CASP10: variants seen among roughly 807,000 people sequenced by gnomAD.
The protein encoded by CASP10 is caspase-10.
A neutral mutation model predicts 48.5 loss-of-function variants in CASP10; 41 were observed. That is an observed-to-expected ratio of 0.85 (90% CI 0.66 to 1.10). The LOEUF (loss-of-function observed/expected upper bound fraction) is 1.10, where lower values mean the gene tolerates loss of function less well. Ranked by LOEUF, CASP10 falls within the 50% of genes least tolerant of loss-of-function variation. The probability of loss-of-function intolerance (pLI) is 0.00; values close to 1 mark genes in which losing one functional copy is unlikely to be tolerated. For missense variants in CASP10, 614 were observed against 614.5 expected (o/e 1.00, Z 0.01); for synonymous variants, 232 against 238.4 (o/e 0.97, Z 0.25).
In CASP10 at chr2:201,209,520, AT is replaced by A; in HGVS notation, c.1374del (p.Tyr458Ter). ...CGGCATGTGGAGGAAGGCAGCTGGT[AT>A]ATTCAGTCTCTGTGTAATCATCTGA... Reference protein sequence around the residue: ...SFRHVEEGSWYIQSLCNHLKK... With the variant: ...SFRHVEEGSWXIQSLCNHLKK... On this transcript the variant is annotated frameshift_variant, in exon 9 of 10. Transcript: ENST00000286186. LOFTEE classifies it low-confidence loss of function (END_TRUNC). 6.2e-7 allele frequency: 1 copy of A among 1,613,366 alleles called. No homozygotes were observed. The highest frequency in any genetic ancestry group is 1.1e-5 in the South Asian group (1 of 90,954).
intron 6 of CASP10, 103 bp downstream of exon 6, chr2:201,203,869 TATAA>T: frequency 3.3e-6 from 3 of 921,554 alleles, no homozygotes; most frequent in Non-Finnish European, 5.4e-6. Context: ...AGAGAAGCTT[TATAA>T]ATAATGAATA....
rs1945680839 is a variant in CASP10 at position 201,219,985 on chromosome 2, G to C, written c.*2244G>C. On this transcript the variant is annotated 3_prime_UTR_variant, in exon 10 of 10. Coordinates refer to ENST00000286186, the MANE Select transcript of CASP10 (RefSeq NM_032977.4). ...GATATGTGAATGCTCATAAAAAAAT[G>C]TCAAGGAATGAAGAACAACAACTCT... The C allele has an allele frequency of 1.0e-6, 1 of 985,288 alleles. No individual in the cohort carries two copies. The highest frequency in any genetic ancestry group is 6.2e-5 in the Admixed American group (1 of 16,256). The allele number at this position is 985,288 out of a possible 1,614,324, so 61.0% of individuals were successfully genotyped here.
rs1465277007 is a variant in CASP10, at chr2:201,217,739, T to C, written c.1567T>C (p.Ter523GlnextTer8). The change falls in exon 10 of 10, where the codon TAG becomes CAG. Residue 523 changes from the stop codon to glutamine (Q), a stop_lost. Coordinates refer to ENST00000286186, the MANE Select transcript of CASP10 (RefSeq NM_032977.4). ...TGTGCCCCTGGATGCACTTTCATTA[T>C]AGCAGAGAGTTTTTGTTGGTTCTTA... ...FPVPLDALSL[*>Q] The C allele has an allele frequency of 2.5e-6, 4 of 1,613,836 alleles. No homozygotes were observed. The highest frequency in any genetic ancestry group is 2.2e-5 in the East Asian group (1 of 44,876).
rs540207844 is a variant in CASP10, at chr2:201,208,158, C to T, written c.897C>T (p.Asp299=). 1 of 1,613,976 alleles carries T rather than the reference C, an allele frequency of 6.2e-7. No individual in the cohort carries two copies. Among genetic ancestry groups the T allele is most frequent in the South Asian group, 1.1e-5 (1 of 91,076 alleles). The change falls in exon 8 of 10, where the codon GAC becomes GAT. Residue 299 remains aspartate, a synonymous_variant. Transcript: ENST00000286186. ...VNNHSFTSLK[D]RQGTHKDAEI... ...ACCACAGCTTTACCTCCCTGAAGGA[C>T]AGACAAGGAACCCATAAAGATGCTG...
rs768707944 is a variant in CASP10, at chr2:201,193,048, G to T, written c.506G>T (p.Cys169Phe). The change falls in exon 4 of 10, where the codon TGC becomes TTC. Residue 169 changes from cysteine to phenylalanine, a missense_variant. Physicochemically the swap from Cys to Phe is radical, Grantham distance 205 (BLOSUM62 -2). Transcript: ENST00000286186. The stretch of plus-strand genomic sequence containing the variant: ...AAAATAGATGAAGATAATCTGACAT[G>T]CCTGGAGGACCTCTGCAAAACAGTT... Reference protein sequence around the residue: ...QGKIDEDNLTCLEDLCKTVVP... With the variant: ...QGKIDEDNLTFLEDLCKTVVP... 11 of 1,613,576 alleles carry T rather than the reference G, an allele frequency of 6.8e-6. No homozygotes were observed. The highest frequency in any genetic ancestry group is 4.4e-5 in the South Asian group (4 of 91,082).
At chr2:201,223,371 G>T (rs958992184), downstream of CASP10, among the ~76,000 whole-genome samples, 1 of 152,140 alleles carries the variant, frequency 6.6e-6, no homozygotes, top group Non-Finnish European at 1.5e-5. Flanking sequence ...GATGGATTTG[G>T]GAGCTTGAAA....
In CASP10 at chr2:201,192,992, A is replaced by G; in HGVS notation, c.450A>G (p.Leu150=). ...TATTGATTCTCTTGTAGACCTCCCT[A>G]AGTTTCCTGGCATTTCTAGAGAAAC... is the stretch of plus-strand genomic sequence containing the variant. ...DSLPKTEMTS[L]SFLAFLEKQG... Residue 150 remains leucine (L), a synonymous_variant, in exon 4 of 10, where the codon CTA becomes CTG. Transcript: ENST00000286186. 1.2e-6 allele frequency: 2 copies of G among 1,613,478 alleles called. No homozygotes were observed. Among genetic ancestry groups the G allele is most frequent in the Non-Finnish European group, 1.7e-6 (2 of 1,179,546 alleles).
At position 201,183,909 on chromosome 2, in the gene CASP10, G is replaced by T. The variant is rs561030910; in HGVS notation, c.-8+601G>T. Among the ~76,000 whole-genome samples the T allele has an allele frequency of 2.1e-3, 318 of 150,568 alleles. 1 individual carries two copies. Among genetic ancestry groups the T allele is most frequent in the Admixed American group, 4.5e-3 (68 of 15,054 alleles). On this transcript the variant is annotated intron_variant, in intron 1 of 9. Coordinates refer to ENST00000286186, the MANE Select transcript of CASP10 (RefSeq NM_032977.4). ...ATTTATCTATTTATTTATTTGAGAC[G>T]GAGTCTCCCTCTTTCACCCTCCAGC... is the stretch of plus-strand genomic sequence containing the variant.
chr2:201,183,151 T>G lies in CASP10; in HGVS notation c.-165T>G, dbSNP rs1176254825. ...CAGTCCTGAAGATTCAGTTTTCACT[T>G]AAACAACCAGCAAGTCTTGAAGTCT... On this transcript the variant is annotated 5_prime_UTR_variant, in exon 1 of 10. Coordinates refer to ENST00000286186, the MANE Select transcript of CASP10 (RefSeq NM_032977.4). The G allele has an allele frequency of 1.3e-5, 2 of 152,238 alleles. No individual in the cohort carries two copies. Among genetic ancestry groups the G allele is most frequent in the Admixed American group, 6.5e-5 (1 of 15,274 alleles). 9.4% of individuals were successfully genotyped at this position (152,238 alleles called of 1,614,324 possible).
At chr2:201,206,584 C>A (rs6742307) in intron 7 of CASP10, among the ~76,000 whole-genome samples, 8,760 of 145,910 alleles carry the variant, frequency 0.06, 835 homozygotes, top group African/African-American at 0.21. Context: ...TATATATATA[C>A]TTATATATTA....
At chr2:201,194,912 G>A (rs1944736013) in intron 4 of CASP10, among the ~76,000 whole-genome samples, 1 of 151,822 alleles carries the variant, frequency 6.6e-6, no homozygotes. Flanking sequence ...CCAAGTAGCT[G>A]GGACTACAAG....
chr2:201,194,998 C>T (rs1294707359), intron 4 of CASP10, among the ~76,000 whole-genome samples: 4 of 152,102 alleles, frequency 2.6e-5, no homozygotes, highest in African/African-American at 9.7e-5. Flanking sequence ...AGGATGGTCT[C>T]GATCACCTGA....
chr2:201,207,040 G>A (rs1032735577), intron 7 of CASP10, among the ~76,000 whole-genome samples: 4 of 152,092 alleles, frequency 2.6e-5, no homozygotes, highest in African/African-American at 9.7e-5. Context: ...ATTTCACCTT[G>A]GAATTAATTA....
At chr2:201,228,690 G>T (rs1321027910) in intron 9 of CASP10, among the ~76,000 whole-genome samples, 1 of 152,166 alleles carries the variant, frequency 6.6e-6, no homozygotes, top group Non-Finnish European at 1.5e-5. Flanking sequence ...AAACATCAAG[G>T]ACAAGCCAAC....
intron 9 of CASP10, among the ~76,000 whole-genome samples, chr2:201,210,449 C>T (rs529624477): frequency 5.3e-5 from 8 of 152,304 alleles, no homozygotes; most frequent in South Asian, 4.1e-4. Flanking sequence ...ATTAACATCC[C>T]GCTAGATATC....
intron 9 of CASP10, 63 bp downstream of exon 9, chr2:201,209,625 C>T (rs1945330937): frequency 6.7e-7 from 1 of 1,499,948 alleles, no homozygotes; most frequent in African/African-American, 1.4e-5. Flanking sequence ...TTATTTTACT[C>T]TCATTCAACA....
rs1303094933 is a variant in CASP10, at chr2:201,209,112, A to G, written c.965A>G (p.His322Arg). 9.3e-6 allele frequency: 15 copies of G among 1,609,270 alleles called. No individual in the cohort carries two copies. Among genetic ancestry groups the G allele is most frequent in the Middle Eastern group, 1.7e-4 (1 of 6,032 alleles). The change falls in exon 9 of 10, where the codon CAT (histidine) becomes CGT (arginine). Residue 322 changes from histidine to arginine, a missense_variant. His to Arg is a conservative substitution (Grantham distance 29). Coordinates refer to ENST00000286186, the MANE Select transcript of CASP10 (RefSeq NM_032977.4). ...HVFQWLGFTV[H>R]IHNNVTKVEM... is the part of the protein sequence containing the mutation. ...TTCCAGTGGCTTGGGTTCACAGTGC[A>G]TATACACAATAATGTGACGAAAGTG...
Position 201,217,577 on chromosome 2 carries a change from C to T in CASP10, c.1416-11C>T, listed in dbSNP as rs1945611518. ...CCGTAAAAAAAAATTTTGTTTTCTTCTTTGTTGCAGACATGAAGACATCTT... is the reference window on the plus strand; with the variant it reads ...CCGTAAAAAAAAATTTTGTTTTCTTTTTTGTTGCAGACATGAAGACATCTT... On this transcript the variant is annotated splice_polypyrimidine_tract_variant and intron_variant, in intron 9 of 9. Coordinates refer to ENST00000286186, the MANE Select transcript of CASP10 (RefSeq NM_032977.4). 3 of 1,609,414 alleles carry T rather than the reference C, an allele frequency of 1.9e-6. No homozygotes were observed. Among genetic ancestry groups the T allele is most frequent in the African/African-American group, 1.3e-5 (1 of 74,820 alleles).
intron 8 of CASP10, 22 bp from the exon 9 acceptor site, chr2:201,209,041 CTTTTTTT>C (rs377760707): frequency 1.5e-6 from 2 of 1,322,598 alleles, no homozygotes; most frequent in Non-Finnish European, 2.0e-6. Flanking sequence ...CTCTCTCTCT[CTTTTTTT>C]TTTTTTTTTG....
Sources: allele counts gnomAD v4.1 joint callset (sites outside exome capture counted in the v4.1 genomes callset), GRCh38; gene constraint gnomAD v4.1.1; transcripts MANE v1.5; gene names NCBI Gene and HGNC (gene_info 2026-07-23, HGNC 2026-07-21).